CSMD1: variants seen among roughly 807,000 people sequenced by gnomAD.
CSMD1 encodes the protein CUB and Sushi multiple domains 1, also known as CUB and sushi domain-containing protein 1.
CSMD1 carries 213 observed loss-of-function variants against 417.5 expected under a neutral mutation model. The ratio of observed to expected loss-of-function variants is 0.51; its 90% confidence interval spans 0.46 to 0.57. The LOEUF is 0.57. Ranked by LOEUF, CSMD1 falls within the 20% of genes least tolerant of loss-of-function variation. CSMD1 has a pLI of 0.00. For missense variants in CSMD1, 6,923 were observed against 4,529.7 expected (o/e 1.53, Z -15.17); for synonymous variants, 2,862 against 1,736.8 (o/e 1.65, Z -16.11).
intron 1 of CSMD1, among the ~76,000 whole-genome samples, chr8:4,657,945 A>G (rs1447035928): frequency 6.6e-6 from 1 of 151,882 alleles, no homozygotes; most frequent in African/African-American, 2.4e-5. Context: ...AACTGATGCT[A>G]TAAACTCATG....
intron 5 of CSMD1, among the ~76,000 whole-genome samples, chr8:3,964,064 G>T (rs1015406738): frequency 6.6e-6 from 1 of 152,180 alleles, no homozygotes; most frequent in African/African-American, 2.4e-5. Context: ...ACAGCATGAG[G>T]TGCTTGCTTG....
At chr8:2,991,928 TGAC>T (rs1406292191) in intron 54 of CSMD1, among the ~76,000 whole-genome samples, 1 of 152,308 alleles carries the variant, frequency 6.6e-6, no homozygotes, top group Admixed American at 6.5e-5. Flanking sequence ...AGCGAAAACC[TGAC>T]GTTATTTCCT....
intron 2 of CSMD1, among the ~76,000 whole-genome samples, chr8:4,458,332 G>C (rs746018672): frequency 3.3e-5 from 5 of 152,046 alleles, no homozygotes; most frequent in Non-Finnish European, 7.4e-5. Context: ...GGATCGATTA[G>C]CTGAAAGTTA....
chr8:4,988,034 T>C (rs1811270138), intron 1 of CSMD1, among the ~76,000 whole-genome samples: 1 of 152,186 alleles, frequency 6.6e-6, no homozygotes, highest in Non-Finnish European at 1.5e-5. Flanking sequence ...TACTACTTAA[T>C]AAACTCCCCT....
intron 3 of CSMD1, among the ~76,000 whole-genome samples, chr8:4,327,319 G>A (rs767845334): frequency 6.6e-6 from 1 of 152,062 alleles, no homozygotes; most frequent in Non-Finnish European, 1.5e-5. Flanking sequence ...CTTTTCAAGA[G>A]CAATTTTAAG....
At chr8:3,026,050 G>A (rs1484594062) in intron 51 of CSMD1, among the ~76,000 whole-genome samples, 1 of 152,116 alleles carries the variant, frequency 6.6e-6, no homozygotes, top group African/African-American at 2.4e-5. Context: ...AGTGAGGGCA[G>A]AACTCTGAGG....
chr8:3,300,563 C>A (rs541871802), intron 25 of CSMD1, among the ~76,000 whole-genome samples: 10 of 152,174 alleles, frequency 6.6e-5, no homozygotes, highest in Middle Eastern at 3.4e-3. Context: ...CCCTTTGACC[C>A]AGCAAACAAA....
At chr8:4,709,731 C>A (rs578234205) in intron 1 of CSMD1, among the ~76,000 whole-genome samples, 1 of 152,164 alleles carries the variant, frequency 6.6e-6, no homozygotes, top group Admixed American at 6.5e-5. Flanking sequence ...AGCAGGAAGG[C>A]TGGGTGCAGG....
At chr8:4,119,207 T>G (rs192902067) in intron 3 of CSMD1, among the ~76,000 whole-genome samples, 1 of 152,042 alleles carries the variant, frequency 6.6e-6, no homozygotes, top group Non-Finnish European at 1.5e-5. Flanking sequence ...CATATACCTA[T>G]GTAACAAGCC....
At position 4,419,173 on chromosome 8, in the gene CSMD1, A is replaced by T. The variant is rs190895877; in HGVS notation, c.415+780T>A. On this transcript the variant is annotated intron_variant, in intron 3 of 69. Coordinates refer to ENST00000635120, the MANE Select transcript of CSMD1 (RefSeq NM_033225.6). ...TAAATAGGAATTGGTTTACACCCCT[A>T]ACGATAGATTGCTTTTTAAATTTAC... Among the ~76,000 whole-genome samples, 3 of 152,302 alleles carry T rather than the reference A, an allele frequency of 2.0e-5. 1 individual carries two copies. The South Asian group carries it at 6.2e-4, about 32-fold the overall frequency.
At chr8:3,860,194 A>G (rs1053539493) in intron 5 of CSMD1, among the ~76,000 whole-genome samples, 2 of 152,132 alleles carry the variant, frequency 1.3e-5, no homozygotes. Context: ...TGAGTGATTC[A>G]TATGAAAGTA....
intron 1 of CSMD1, among the ~76,000 whole-genome samples, chr8:4,806,484 T>A (rs752249705): frequency 6.6e-6 from 1 of 151,248 alleles, no homozygotes; most frequent in Non-Finnish European, 1.5e-5. Flanking sequence ...GGGCCATCTA[T>A]TTAGTTTACA....
At chr8:3,699,393 T>A (rs1410704953) in intron 7 of CSMD1, among the ~76,000 whole-genome samples, 1 of 152,174 alleles carries the variant, frequency 6.6e-6, no homozygotes, top group African/African-American at 2.4e-5. Flanking sequence ...ATACAACACA[T>A]AACATTTTGA....
At chr8:4,012,986 C>CG (rs1796347520) in intron 4 of CSMD1, among the ~76,000 whole-genome samples, 1 of 152,146 alleles carries the variant, frequency 6.6e-6, no homozygotes, top group African/African-American at 2.4e-5. Flanking sequence ...TCTCAAGTAA[C>CG]AACACCTCTC....
intron 3 of CSMD1, among the ~76,000 whole-genome samples, chr8:4,303,848 G>C (rs1358711435): frequency 6.6e-6 from 1 of 151,940 alleles, no homozygotes; most frequent in Non-Finnish European, 1.5e-5. Flanking sequence ...GTAGAGACAG[G>C]GTTTCACTAT....
intron 5 of CSMD1, among the ~76,000 whole-genome samples, chr8:3,777,079 C>G (rs1798931492): frequency 6.6e-6 from 1 of 151,010 alleles, no homozygotes; most frequent in Non-Finnish European, 1.5e-5. Context: ...ATCATGCTTC[C>G]TACTATCTAT....
chr8:4,742,180 G>A (rs928938551), intron 1 of CSMD1, among the ~76,000 whole-genome samples: 58 of 150,750 alleles, frequency 3.8e-4, no homozygotes, highest in Non-Finnish European at 6.5e-4. Context: ...ACAGGCGCCC[G>A]CCACCACGCC....
At chr8:4,763,557 G>C (rs1812257298) in intron 1 of CSMD1, among the ~76,000 whole-genome samples, 1 of 152,112 alleles carries the variant, frequency 6.6e-6, no homozygotes, top group Non-Finnish European at 1.5e-5. Context: ...AGAAAGAGCA[G>C]ATCTATTGTC....
At chr8:4,708,409 G>A (rs528968152) in intron 1 of CSMD1, among the ~76,000 whole-genome samples, 2 of 152,172 alleles carry the variant, frequency 1.3e-5, no homozygotes, top group African/African-American at 4.8e-5. Context: ...ATATGTATCT[G>A]GTAAAAAGTA....
Sources: gnomAD v4.1 joint callset for allele counts (sites outside exome capture counted in the v4.1 genomes callset) on GRCh38, gnomAD v4.1.1 for gene constraint, MANE v1.5 for transcripts, NCBI Gene and HGNC (gene_info 2026-07-23, HGNC 2026-07-21) for gene names.